NCAPD3: variants seen among roughly 807,000 people sequenced by gnomAD.
The protein encoded by NCAPD3 is non-SMC condensin II complex subunit D3, also known as condensin-2 complex subunit D3.
A neutral mutation model predicts 182.9 loss-of-function variants in NCAPD3; 105 were observed. The ratio of observed to expected loss-of-function variants is 0.57; its 90% confidence interval spans 0.49 to 0.68. NCAPD3 has a LOEUF of 0.68. Among genes scored for constraint, NCAPD3 ranks in the 30% least tolerant of loss-of-function variants. NCAPD3 has a pLI of 0.00. For synonymous variants in NCAPD3, 815 were observed against 679.9 expected (o/e 1.20, Z -3.09); for missense variants, 1,944 against 1,837.0 (o/e 1.06, Z -1.07).
upstream of NCAPD3, chr11:134,225,399 A>G (rs760545308): frequency 1.9e-6 from 3 of 1,552,712 alleles, no homozygotes; most frequent in African/African-American, 2.7e-5. Context: ...GCCGGGGAGC[A>G]GGGTGATTCA....
intron 1 of NCAPD3, among the ~76,000 whole-genome samples, chr11:134,221,449 C>A (rs1034538648): frequency 6.6e-6 from 1 of 151,670 alleles, no homozygotes; most frequent in Non-Finnish European, 1.5e-5. Context: ...TAGGTATACA[C>A]GTACCATGGT....
chr11:134,204,535 G>A lies in NCAPD3; in HGVS notation c.1089+364C>T, dbSNP rs1944811999. On this transcript the variant is annotated intron_variant, in intron 9 of 34. Transcript: ENST00000534548. This position sits in a 1 kb window ranked among gnomAD's most constrained non-coding sequence, Gnocchi z 4.3. ...ATAATATTAAGGAATTACCGTGAAA[G>A]GATATGATGGAATTTGCTTCAAAAC... is the stretch of plus-strand genomic sequence containing the variant. Among the ~76,000 whole-genome samples the A allele has an allele frequency of 6.6e-6, 1 of 152,170 alleles. No individual in the cohort carries two copies. Among genetic ancestry groups the A allele is most frequent in the African/African-American group, 2.4e-5 (1 of 41,438 alleles).
chr11:134,214,670 A>T (rs1937953390), intron 3 of NCAPD3, among the ~76,000 whole-genome samples: 2 of 152,212 alleles, frequency 1.3e-5, no homozygotes, highest in Admixed American at 1.3e-4. Context: ...ATCTAGATTG[A>T]TCAAGAAAAA....
intron 1 of NCAPD3, among the ~76,000 whole-genome samples, chr11:134,222,423 T>C (rs1938265956): frequency 6.6e-6 from 1 of 152,246 alleles, no homozygotes; most frequent in Non-Finnish European, 1.5e-5. Context: ...CAGCCTATGA[T>C]AGAAGAGAGG....
At chr11:134,162,159 T>C in intron 27 of NCAPD3, among the ~76,000 whole-genome samples, 1 of 152,196 alleles carries the variant, frequency 6.6e-6, no homozygotes, top group East Asian at 1.9e-4. Flanking sequence ...TAGAAACATG[T>C]TGAGTAGCTT....
upstream of NCAPD3, chr11:134,224,173 A>T: frequency 1.7e-6 from 1 of 591,838 alleles, no homozygotes; most frequent in East Asian, 2.9e-5. Flanking sequence ...TTCGTTCGAG[A>T]AGGAGCCAGG....
chr11:134,169,761 C>A (rs547185496), intron 24 of NCAPD3, among the ~76,000 whole-genome samples: 1 of 152,328 alleles, frequency 6.6e-6, no homozygotes, highest in African/African-American at 2.4e-5. Context: ...CTACAGGCCA[C>A]CACAGAGTTT....
intron 1 of NCAPD3, among the ~76,000 whole-genome samples, chr11:134,222,781 T>C (rs1938282381): frequency 6.6e-6 from 1 of 152,184 alleles, no homozygotes; most frequent in African/African-American, 2.4e-5. Flanking sequence ...GCAAGCACAG[T>C]GTAACAAAGC....
At chr11:134,164,549 C>T (rs1167673026) in intron 27 of NCAPD3, among the ~76,000 whole-genome samples, 2 of 152,326 alleles carry the variant, frequency 1.3e-5, no homozygotes, top group East Asian at 1.9e-4. Flanking sequence ...GGGACACTCA[C>T]TTGTGAAATG....
chr11:134,168,501 T>C lies in NCAPD3; in HGVS notation c.3341A>G (p.Asn1114Ser), dbSNP rs567450574. The change falls in exon 26 of 35, where the codon AAC becomes AGC. Residue 1114 changes from asparagine (N) to serine (S), a missense_variant. Asn to Ser is a conservative substitution (Grantham distance 46, BLOSUM62 1). This residue lies in a region of NCAPD3 where 1,803 missense variants were observed against 1,674.6 expected (regional missense o/e 1.08). Coordinates refer to ENST00000534548, the MANE Select transcript of NCAPD3 (RefSeq NM_015261.3). ...ACTAAGGCAGATTTTGGAAGTGATGTTGAATCGCTGTTCATCTGTGAAGTG... is the reference window on the plus strand; with the variant it reads ...ACTAAGGCAGATTTTGGAAGTGATGCTGAATCGCTGTTCATCTGTGAAGTG... Reference protein sequence around the residue: ...LEHFTDEQRFNITSKICLSIL... With the variant: ...LEHFTDEQRFSITSKICLSIL... 1.8e-5 allele frequency: 29 copies of C among 1,614,116 alleles called. No homozygotes were observed. The African/African-American group carries it at 2.8e-4, about 16-fold the overall frequency.
At position 134,203,888 on chromosome 11, in the gene NCAPD3, T is replaced by C; in HGVS notation, c.1234A>G (p.Thr412Ala). The change falls in exon 11 of 35, where the codon ACT becomes GCT. Residue 412 changes from threonine (T) to alanine (A), a missense_variant. By Grantham distance (58) the Thr-to-Ala change is moderately conservative (BLOSUM62 0). Around this residue, in one of 3 missense-constraint regions of NCAPD3, gnomAD observed 1,803 missense variants for 1,674.6 expected, o/e 1.08. Transcript: ENST00000534548. ...RSSKIPHRVFTLDVVLALLEL... is the reference protein window; with the variant it reads ...RSSKIPHRVFALDVVLALLEL... ...AACAGAGCTAAGACAACATCAAGAG[T>C]AAAAACCCGGTGTGGGATCTGGTAA... 6.2e-7 allele frequency: 1 copy of C among 1,613,624 alleles called. No individual in the cohort carries two copies. Among genetic ancestry groups the C allele is most frequent in the Non-Finnish European group, 8.5e-7 (1 of 1,179,674 alleles).
At chr11:134,221,782 T>G (rs1234585246) in intron 1 of NCAPD3, among the ~76,000 whole-genome samples, 1 of 152,178 alleles carries the variant, frequency 6.6e-6, no homozygotes, top group Non-Finnish European at 1.5e-5. Context: ...GGCCTTACAC[T>G]CAACTAGTTC....
At chr11:134,203,269 C>G in intron 11 of NCAPD3, 71 bp from the exon 12 acceptor site, 2 of 1,109,320 alleles carry the variant, frequency 1.8e-6, no homozygotes, top group Non-Finnish European at 2.7e-6. Context: ...ACGGAGGAAT[C>G]AAAATCAAGA....
At chr11:134,176,860 C>T (rs565875114) in intron 23 of NCAPD3, among the ~76,000 whole-genome samples, 25 of 152,252 alleles carry the variant, frequency 1.6e-4, no homozygotes, top group Middle Eastern at 3.4e-3. Flanking sequence ...CCCCATTTGA[C>T]GAAGGAAGAA....
At chr11:134,207,767 A>G (rs1038083022) in intron 7 of NCAPD3, among the ~76,000 whole-genome samples, 10 of 143,990 alleles carry the variant, frequency 6.9e-5, no homozygotes, top group Admixed American at 6.9e-5. Flanking sequence ...AAAAAAAAAA[A>G]CCATCTTTAG....
At chr11:134,169,186 CA>C in intron 24 of NCAPD3, 132 bp from the exon 25 acceptor site, 1 of 854,878 alleles carries the variant, frequency 1.2e-6, no homozygotes, top group Non-Finnish European at 1.7e-6. Context: ...TCCCAATAAA[CA>C]GTTCCCTCGG....
intron 13 of NCAPD3, among the ~76,000 whole-genome samples, chr11:134,201,595 A>G (rs978551281): frequency 1.3e-5 from 2 of 152,232 alleles, no homozygotes; most frequent in African/African-American, 4.8e-5. Flanking sequence ...TTAATGTACA[A>G]TTAATGCCAA....
intron 26 of NCAPD3, 58 bp from the exon 27 acceptor site, chr11:134,168,253 G>C (rs1329581705): frequency 1.3e-6 from 2 of 1,544,918 alleles, no homozygotes; most frequent in East Asian, 2.3e-5. Context: ...GGCCCAGAGA[G>C]GAGGTGTAAT....
chr11:134,184,927 T>C lies in NCAPD3; in HGVS notation c.2311A>G (p.Lys771Glu), dbSNP rs1944371880. Reference protein sequence around the residue: ...VIGHIAKHLPKSTRDKVTDAV... With the variant: ...VIGHIAKHLPESTRDKVTDAV... The stretch of plus-strand genomic sequence containing the variant: ...CCAGTCACTTTGTCCCGGGTGCTCT[T>C]AGGAAGATGCTTTGCAATATGCCCA... The change falls in exon 18 of 35, where the codon AAG (lysine) becomes GAG (glutamate). Residue 771 changes from lysine to glutamate, a missense_variant. Physicochemically the swap from Lys to Glu is moderately conservative, Grantham distance 56. This residue lies in a region of NCAPD3 where 1,803 missense variants were observed against 1,674.6 expected (regional missense o/e 1.08). Coordinates refer to ENST00000534548, the MANE Select transcript of NCAPD3 (RefSeq NM_015261.3). The C allele has an allele frequency of 6.2e-7, 1 of 1,613,516 alleles. No homozygotes were observed. Among genetic ancestry groups the C allele is most frequent in the African/African-American group, 1.3e-5 (1 of 74,986 alleles).
Sources: allele counts gnomAD v4.1 joint callset (sites outside exome capture counted in the v4.1 genomes callset), GRCh38; gene constraint gnomAD v4.1.1; regional missense constraint gnomAD v4.1.1; non-coding constraint Gnocchi (gnomAD v3.1); transcripts MANE v1.5; gene names NCBI Gene and HGNC (gene_info 2026-07-23, HGNC 2026-07-21).